The following BMPR1A variants were observed in gnomAD, a reference collection of about 807,000 sequenced individuals.
BMPR1A encodes bone morphogenetic protein receptor type 1A, also known as bone morphogenetic protein receptor type-1A.
In BMPR1A, 7 loss-of-function variants were observed where a neutral mutation model predicts 66.0. The observed-to-expected ratio is 0.11, with a 90% CI of 0.06 to 0.20. The LOEUF (loss-of-function observed/expected upper bound fraction) is 0.20. Ranked by LOEUF, BMPR1A falls within the 10% of genes least tolerant of loss-of-function variation. The probability of loss-of-function intolerance (pLI) is 1.00; values close to 1 mark genes in which losing one functional copy is unlikely to be tolerated. For missense variants in BMPR1A, 408 were observed against 669.1 expected (o/e 0.61, Z 4.31); for synonymous variants, 200 against 229.7 (o/e 0.87, Z 1.17).
rs863224394 is a variant in BMPR1A at position 86,919,404 on chromosome 10, C to T, written c.1101C>T (p.Asn367=). 3 of 1,613,190 alleles carry T rather than the reference C, an allele frequency of 1.9e-6. No homozygotes were observed. The highest frequency in any genetic ancestry group is 1.3e-5 in the African/African-American group (1 of 75,022). ...CTCATCGAGACCTAAAGAGCAAAAA[C>T]ATCCTCATCAAGAAAAATGGGAGTT... ...AIAHRDLKSK[N]ILIKKNGSCC... The change falls in exon 10 of 13, where the codon AAC becomes AAT. Residue 367 remains asparagine (N), a synonymous_variant. Coordinates refer to ENST00000372037, the MANE Select transcript of BMPR1A (RefSeq NM_004329.3).
At chr10:86,896,270 G>A (rs1843223100) in intron 5 of BMPR1A, among the ~76,000 whole-genome samples, 1 of 150,902 alleles carries the variant, frequency 6.6e-6, no homozygotes, top group Non-Finnish European at 1.5e-5. Context: ...CGGAGTGATA[G>A]CTAGATCTTC....
At chr10:86,793,090 C>T (rs115284309) in intron 1 of BMPR1A, among the ~76,000 whole-genome samples, 1 of 141,754 alleles carries the variant, frequency 7.1e-6, no homozygotes, top group Non-Finnish European at 1.5e-5. Flanking sequence ...TCCTCCTGAT[C>T]TATACCCCCC....
At position 86,923,525 on chromosome 10, in the gene BMPR1A, C is replaced by T. The variant is rs754418526; in HGVS notation, c.1473+19C>T. On this transcript the variant is annotated intron_variant, in intron 12 of 12. Transcript: ENST00000372037. ...TGATGAAGTGAGTGGAACTCAGTCC[C>T]CTGAAGAAGTGATTCGTAAATGCCA... 1 of 1,614,132 alleles carries T rather than the reference C, an allele frequency of 6.2e-7. No homozygotes were observed. Among genetic ancestry groups the T allele is most frequent in the Non-Finnish European group, 8.5e-7 (1 of 1,180,022 alleles).
At chr10:86,845,744 TCCCAGC>T (rs1339081923) in intron 2 of BMPR1A, among the ~76,000 whole-genome samples, 1 of 152,166 alleles carries the variant, frequency 6.6e-6, no homozygotes, top group Non-Finnish European at 1.5e-5. Context: ...ACGCCTGTAA[TCCCAGC>T]ACTTTGGGAG....
At chr10:86,806,959 T>TA (rs1008948953) in intron 1 of BMPR1A, among the ~76,000 whole-genome samples, 5 of 150,552 alleles carry the variant, frequency 3.3e-5, no homozygotes, top group Non-Finnish European at 5.9e-5. Context: ...TTCTTCCCTT[T>TA]AAAAAAAAAT....
At position 86,806,452 on chromosome 10, in the gene BMPR1A, C is replaced by G. The variant is rs181256010; in HGVS notation, c.-267-32413C>G. Among the ~76,000 whole-genome samples the G allele has an allele frequency of 2.0e-5, 3 of 152,272 alleles. No individual in the cohort carries two copies. The East Asian group carries it at 5.8e-4, about 29-fold the overall frequency. On this transcript the variant is annotated intron_variant, in intron 1 of 12. Transcript: ENST00000372037. ...AGTTCTACATTTATCATTCTGAATTCTGTAAGAACCCTTCTTACTCCCTTA... is the reference window on the plus strand; with the variant it reads ...AGTTCTACATTTATCATTCTGAATTGTGTAAGAACCCTTCTTACTCCCTTA...
In BMPR1A at chr10:86,760,188, G is replaced by GTT. The variant is rs58326501; in HGVS notation, c.-268+3289_-268+3290dup. Among the ~76,000 whole-genome samples the GTT allele has an allele frequency of 4.0e-3, 216 of 53,346 alleles. 5 individuals carry two copies. The highest frequency in any genetic ancestry group is 0.019 in the African/African-American group (198 of 10,694). The allele number at this position is 53,346 out of a possible 152,430, so 35.0% of individuals were successfully genotyped here. The stretch of plus-strand genomic sequence containing the variant: ...TGTGGTATTTGCCTCAGATTTACCT[G>GTT]TTTTTTTTTTTTTTTTTTTTTAATA... On this transcript the variant is annotated intron_variant, in intron 1 of 12. Transcript: ENST00000372037.
At chr10:86,866,351 C>T (rs912569696) in intron 2 of BMPR1A, among the ~76,000 whole-genome samples, 5 of 148,842 alleles carry the variant, frequency 3.4e-5, no homozygotes, top group African/African-American at 1.2e-4. Context: ...GCTTTGTCAG[C>T]AGCAAACCTG....
At chr10:86,798,633 C>G (rs1841759807) in intron 1 of BMPR1A, among the ~76,000 whole-genome samples, 1 of 152,158 alleles carries the variant, frequency 6.6e-6, no homozygotes, top group Admixed American at 6.5e-5. Flanking sequence ...AGACTTCAGG[C>G]CTTGTAATAT....
At chr10:86,877,003 A>G (rs1842928122) in intron 3 of BMPR1A, among the ~76,000 whole-genome samples, 1 of 152,100 alleles carries the variant, frequency 6.6e-6, no homozygotes, top group Non-Finnish European at 1.5e-5. Context: ...TTTTTCCTGT[A>G]TGGTTTAAGT....
intron 1 of BMPR1A, among the ~76,000 whole-genome samples, chr10:86,759,723 T>C (rs940554029): frequency 1.7e-4 from 26 of 152,330 alleles, no homozygotes; most frequent in African/African-American, 6.0e-4. Context: ...TTTTCTCTTT[T>C]TCAGGATCAT....
intron 1 of BMPR1A, among the ~76,000 whole-genome samples, chr10:86,809,122 CT>C (rs368236549): frequency 2.8e-4 from 43 of 152,212 alleles, no homozygotes; most frequent in African/African-American, 1.0e-3. Context: ...AGTCTCCTGA[CT>C]TTTTTCCTCT....
chr10:86,756,602 C>CCCCCT (rs902974085), upstream of BMPR1A: 3 of 151,138 alleles, frequency 2.0e-5, no homozygotes, highest in African/African-American at 4.8e-5. Context: ...ACCCGCGCCG[C>CCCCCT]CCCCTCCCCT....
At chr10:86,905,859 C>T (rs1429285867) in intron 7 of BMPR1A, among the ~76,000 whole-genome samples, 3 of 149,294 alleles carry the variant, frequency 2.0e-5, no homozygotes, top group Non-Finnish European at 4.4e-5. Flanking sequence ...AAGAAAGAAA[C>T]ATTTTCTGAA....
At chr10:86,907,885 T>A (rs1432121390) in intron 7 of BMPR1A, among the ~76,000 whole-genome samples, 1 of 152,154 alleles carries the variant, frequency 6.6e-6, no homozygotes, top group Non-Finnish European at 1.5e-5. Context: ...CAATTACTAA[T>A]AGAAGGAATA....
chr10:86,855,367 C>G lies in BMPR1A; in HGVS notation c.-153+16388C>G, dbSNP rs1842626742. 5.8e-6 allele frequency: 5 copies of G among 867,182 alleles called. No individual in the cohort carries two copies. The South Asian group carries it at 9.4e-5, about 16-fold the overall frequency. The allele number at this position is 867,182 out of a possible 1,614,324, so 53.7% of individuals were successfully genotyped here. A position where few individuals can be genotyped will look rare whatever the true frequency, so the allele number is the denominator to read the frequency against. On this transcript the variant is annotated intron_variant, in intron 2 of 12. Transcript: ENST00000372037. ...CACTTCAGGACACACCTGCACTGAA[C>G]TAGACACTGACTTAGAAACTTGGTT...
At chr10:86,866,817 A>T (rs1192948781) in intron 2 of BMPR1A, among the ~76,000 whole-genome samples, 1 of 152,132 alleles carries the variant, frequency 6.6e-6, no homozygotes, top group Non-Finnish European at 1.5e-5. Flanking sequence ...ACTTTGGATT[A>T]GAAAACCTGG....
At chr10:86,854,207 T>TA in intron 2 of BMPR1A, among the ~76,000 whole-genome samples, 1 of 152,140 alleles carries the variant, frequency 6.6e-6, no homozygotes, top group Non-Finnish European at 1.5e-5. Flanking sequence ...TCACCGGCGG[T>TA]CAGAGTTTAA....
rs534521874 is a variant in BMPR1A, at chr10:86,903,024, C to T, written c.530+2898C>T. 3.3e-5 allele frequency among the ~76,000 whole-genome samples: 5 copies of T among 152,304 alleles called. No individual in the cohort carries two copies. The East Asian group carries it at 9.6e-4, about 29-fold the overall frequency. On this transcript the variant is annotated intron_variant, in intron 7 of 12. Coordinates refer to ENST00000372037, the MANE Select transcript of BMPR1A (RefSeq NM_004329.3). ...CCTAGACTAAACATGGCTCTGGTCT[C>T]ACCCTAAAAGCAAGCCCCAAACAGA...
Sources: allele counts gnomAD v4.1 joint callset (sites outside exome capture counted in the v4.1 genomes callset), GRCh38; gene constraint gnomAD v4.1.1; transcripts MANE v1.5; gene names NCBI Gene and HGNC (gene_info 2026-07-23, HGNC 2026-07-21).